PPP1R12B: variants seen among roughly 807,000 people sequenced by gnomAD.
The protein encoded by PPP1R12B is myosin phosphatase target subunit 2.
A neutral mutation model predicts 126.1 loss-of-function variants in PPP1R12B; 76 were observed. That is an observed-to-expected ratio of 0.60 (90% CI 0.50 to 0.73). The LOEUF is 0.73. Ranked by LOEUF, PPP1R12B falls within the 30% of genes least tolerant of loss-of-function variation. The probability of loss-of-function intolerance (pLI) is 0.00; values close to 1 mark genes in which losing one functional copy is unlikely to be tolerated. For synonymous variants in PPP1R12B, 356 were observed against 434.7 expected (o/e 0.82, Z 2.25); for missense variants, 1,052 against 1,205.1 (o/e 0.87, Z 1.88).
chr1:202,349,014 C>A lies in PPP1R12B; in HGVS notation c.163C>A (p.Arg55Ser), dbSNP rs1431944142. The A allele has an allele frequency of 1.2e-6, 2 of 1,610,200 alleles. No homozygotes were observed. Among genetic ancestry groups the A allele is most frequent in the Non-Finnish European group, 1.7e-6 (2 of 1,178,624 alleles). The change falls in exon 1 of 24, where the codon CGC (arginine) becomes AGC (serine). Residue 55 changes from arginine to serine, a missense_variant. Arg to Ser is a moderately radical substitution (Grantham distance 110, BLOSUM62 -1). Transcript: ENST00000608999. ...GACCAGGCGCGGGAGCCCCAGGGTC[C>A]GCTTCGAGGACGGTGCTGTCTTTCT... ...PLTRRGSPRVRFEDGAVFLAA... is the reference protein window; with the variant it reads ...PLTRRGSPRVSFEDGAVFLAA...
intron 1 of PPP1R12B, among the ~76,000 whole-genome samples, chr1:202,353,282 C>T (rs946341424): frequency 3.9e-5 from 6 of 152,134 alleles, no homozygotes; most frequent in East Asian, 1.9e-4. Flanking sequence ...GTTCCACCTG[C>T]GAAGTTACTT....
At chr1:202,500,792 A>G (rs1344254141) in intron 18 of PPP1R12B, among the ~76,000 whole-genome samples, 1 of 152,252 alleles carries the variant, frequency 6.6e-6, no homozygotes, top group Non-Finnish European at 1.5e-5. Flanking sequence ...TGATCATTAC[A>G]TATTGCATAT....
chr1:202,416,646 T>C, intron 1 of PPP1R12B, 141 bp from the exon 2 acceptor site: 1 of 649,252 alleles, frequency 1.5e-6, no homozygotes, highest in Non-Finnish European at 2.5e-6. Flanking sequence ...CTAGAAGTCA[T>C]GCTCTGGACA....
chr1:202,471,345 CT>C (rs571223772), intron 13 of PPP1R12B, among the ~76,000 whole-genome samples: 299 of 143,566 alleles, frequency 2.1e-3, no homozygotes, highest in East Asian at 9.2e-3. Flanking sequence ...GTATTTAGGT[CT>C]TTTTTTTTTT....
At chr1:202,430,583 T>G in intron 6 of PPP1R12B, 148 bp from the exon 7 acceptor site, 2 of 683,114 alleles carry the variant, frequency 2.9e-6, no homozygotes, top group Admixed American at 3.2e-5. Context: ...CCAACTGATA[T>G]GTTTCTCTTT....
Position 202,447,179 on chromosome 1 carries a change from A to G in PPP1R12B, c.1668-1810A>G, listed in dbSNP as rs1672395924. Among the ~76,000 whole-genome samples, 3 of 152,194 alleles carry G rather than the reference A, an allele frequency of 2.0e-5. No homozygotes were observed. In the South Asian group the frequency reaches 6.2e-4, roughly 32 times the overall value. On this transcript the variant is annotated intron_variant, in intron 12 of 23. Coordinates refer to ENST00000608999, the MANE Select transcript of PPP1R12B (RefSeq NM_002481.4). ...GAAAGGGACAATGGATATGGGTTAG[A>G]CAACTAGCTGTCTCATGCATACATA...
chr1:202,434,908 C>T (rs1160640785), intron 9 of PPP1R12B, 140 bp downstream of exon 9: 15 of 1,406,550 alleles, frequency 1.1e-5, no homozygotes, highest in Non-Finnish European at 1.4e-5. Context: ...TAACAAAAAA[C>T]ACAGGCTGGG....
At chr1:202,561,155 A>G (rs949071793) in intron 19 of PPP1R12B, among the ~76,000 whole-genome samples, 1 of 152,114 alleles carries the variant, frequency 6.6e-6, no homozygotes, top group Non-Finnish European at 1.5e-5. Flanking sequence ...ATAACCAAAG[A>G]TATTGATTGT....
intron 15 of PPP1R12B, among the ~76,000 whole-genome samples, chr1:202,494,451 A>G (rs1679269069): frequency 1.3e-5 from 2 of 152,122 alleles, no homozygotes; most frequent in African/African-American, 4.8e-5. Flanking sequence ...ATATGTCTTT[A>G]TAAATCACAA....
intron 23 of PPP1R12B, among the ~76,000 whole-genome samples, chr1:202,572,683 A>G (rs759907535): frequency 6.6e-6 from 1 of 152,176 alleles, no homozygotes; most frequent in Non-Finnish European, 1.5e-5. Context: ...TCCACTCAGC[A>G]TCAGCCTCCT....
At chr1:202,551,419 C>T (rs1686308523) in intron 18 of PPP1R12B, among the ~76,000 whole-genome samples, 1 of 152,084 alleles carries the variant, frequency 6.6e-6, no homozygotes, top group Non-Finnish European at 1.5e-5. Context: ...CTGCATAAGA[C>T]AGCACTTTTG....
chr1:202,473,757 A>C (rs1284821787), intron 13 of PPP1R12B, among the ~76,000 whole-genome samples: 22 of 152,074 alleles, frequency 1.4e-4, no homozygotes, highest in Non-Finnish European at 2.9e-5. Flanking sequence ...CCTCCTCCTT[A>C]GTAGCAGCTC....
intron 18 of PPP1R12B, among the ~76,000 whole-genome samples, chr1:202,556,566 G>T (rs528769426): frequency 3.3e-5 from 5 of 152,142 alleles, no homozygotes; most frequent in African/African-American, 1.2e-4. Context: ...GTGTGTTTGT[G>T]TGTGTTTCTC....
intron 18 of PPP1R12B, among the ~76,000 whole-genome samples, chr1:202,539,397 G>GCTCACTGAGCGA (rs1264757915): frequency 3.9e-5 from 6 of 152,206 alleles, no homozygotes; most frequent in African/African-American, 1.4e-4. Flanking sequence ...AGCGAATAGG[G>GCTCACTGAGCGA]ATTTGGAATG....
intron 18 of PPP1R12B, among the ~76,000 whole-genome samples, chr1:202,555,453 A>G (rs957789962): frequency 4.0e-5 from 6 of 150,234 alleles, no homozygotes; most frequent in Admixed American, 2.0e-4. Flanking sequence ...GATATTTACA[A>G]AGAAGAAACT....
chr1:202,505,593 C>G (rs906416252), intron 18 of PPP1R12B, among the ~76,000 whole-genome samples: 3 of 152,178 alleles, frequency 2.0e-5, no homozygotes, highest in Admixed American at 6.5e-5. Context: ...GTTTTCCTCT[C>G]TCTCTGGGGC....
At chr1:202,427,249 T>G in intron 5 of PPP1R12B, 65 bp downstream of exon 5, 1 of 1,591,354 alleles carries the variant, frequency 6.3e-7, no homozygotes, top group Non-Finnish European at 8.6e-7. Context: ...AATAAAAGGC[T>G]TAACATCTCT....
chr1:202,440,173 T>G (rs531186640), intron 10 of PPP1R12B, among the ~76,000 whole-genome samples: 92 of 152,322 alleles, frequency 6.0e-4, no homozygotes, highest in African/African-American at 2.0e-3. Flanking sequence ...ACTCTCTTTG[T>G]GCTTTTCTCT....
intron 13 of PPP1R12B, among the ~76,000 whole-genome samples, chr1:202,449,531 C>T (rs1259007969): frequency 1.3e-5 from 2 of 151,772 alleles, no homozygotes; most frequent in East Asian, 1.9e-4. Flanking sequence ...CCACCTCGGC[C>T]TCTCAAAGTG....
Sources: allele counts gnomAD v4.1 joint callset (sites outside exome capture counted in the v4.1 genomes callset), GRCh38; gene constraint gnomAD v4.1.1; transcripts MANE v1.5; gene names NCBI Gene and HGNC (gene_info 2026-07-23, HGNC 2026-07-21).